Variants in ROCK1 observed in about 807,000 individuals in gnomAD.
The protein encoded by ROCK1 is rho-associated protein kinase 1.
ROCK1 carries 36 observed loss-of-function variants against 196.8 expected under a neutral mutation model. The observed-to-expected ratio is 0.18, with a 90% CI of 0.14 to 0.24. The LOEUF (loss-of-function observed/expected upper bound fraction) is 0.24. Among genes scored for constraint, ROCK1 ranks in the 10% least tolerant of loss-of-function variants. The pLI, the probability that ROCK1 is intolerant of heterozygous loss-of-function variation, is 1.00. For missense variants in ROCK1, 920 were observed against 1,562.0 expected, an observed-to-expected ratio of 0.59 and a Z score of 6.93; for synonymous variants, 443 against 515.9, an observed-to-expected ratio of 0.86 and a Z score of 1.91.
intron 14 of ROCK1, among the ~76,000 whole-genome samples, chr18:21,007,050 C>G (rs2035774640): frequency 6.6e-6 from 1 of 152,066 alleles, no homozygotes; most frequent in Non-Finnish European, 1.5e-5. Flanking sequence ...TTTATAAGAT[C>G]ACTGATAGTA....
At chr18:20,993,346 G>C (rs983022373) in intron 16 of ROCK1, among the ~76,000 whole-genome samples, 2 of 152,202 alleles carry the variant, frequency 1.3e-5, no homozygotes, top group African/African-American at 4.8e-5. Flanking sequence ...GGGACTACAG[G>C]CGCCTGCCAC....
intron 1 of ROCK1, among the ~76,000 whole-genome samples, chr18:21,100,892 G>C (rs2036653875): frequency 1.3e-5 from 2 of 152,232 alleles, no homozygotes; most frequent in South Asian, 4.1e-4. Flanking sequence ...TGCTGGCCTT[G>C]AGGCGATCGC....
intron 16 of ROCK1, among the ~76,000 whole-genome samples, chr18:20,998,434 A>T (rs1475956634): frequency 1.3e-5 from 2 of 152,074 alleles, no homozygotes; most frequent in East Asian, 1.9e-4. Flanking sequence ...AGAAGAAAAT[A>T]AATAATAAAG....
chr18:20,984,469 T>C lies in ROCK1; in HGVS notation c.2371A>G (p.Lys791Glu). ...NKRLLLQNEL[K>E]TQAFEADNLK... ...TTGTCTGCCTCAAATGCTTGAGTCT[T>C]CAATTCATTTTGTAACAACAGCCGC... The change falls in exon 20 of 33, where the codon AAG (lysine) becomes GAG (glutamate). Residue 791 changes from lysine (K) to glutamate (E), a missense_variant. Lys to Glu is a moderately conservative substitution (Grantham distance 56, BLOSUM62 1). Coordinates refer to ENST00000399799, the MANE Select transcript of ROCK1 (RefSeq NM_005406.3). The C allele has an allele frequency of 6.2e-7, 1 of 1,613,528 alleles. No individual in the cohort carries two copies. The highest frequency in any genetic ancestry group is 1.1e-5 in the South Asian group (1 of 91,056).
At chr18:20,980,177 T>C (rs2035517556) in intron 21 of ROCK1, among the ~76,000 whole-genome samples, 173 bp from the exon 22 acceptor site, 1 of 152,126 alleles carries the variant, frequency 6.6e-6, no homozygotes, top group Non-Finnish European at 1.5e-5. Flanking sequence ...GAATTTCCCT[T>C]ATGGTTTTAT....
intron 4 of ROCK1, 40 bp downstream of exon 4, chr18:21,049,052 A>C: frequency 6.7e-7 from 1 of 1,484,592 alleles, no homozygotes; most frequent in Non-Finnish European, 9.0e-7. Flanking sequence ...GTTTAGTTAC[A>C]AACTAATGCA....
intron 13 of ROCK1, among the ~76,000 whole-genome samples, chr18:21,010,973 TTGG>T (rs2035811790): frequency 6.6e-6 from 1 of 152,248 alleles, no homozygotes; most frequent in African/African-American, 2.4e-5. Flanking sequence ...TCTACTTTAA[TTGG>T]TATTAACATT....
chr18:21,045,233 A>G (rs1394530033), intron 5 of ROCK1, 59 bp downstream of exon 5: 8 of 1,418,880 alleles, frequency 5.6e-6, no homozygotes, highest in African/African-American at 1.5e-5. Context: ...GAAATGTTAA[A>G]GTTATTTTTA....
chr18:21,053,166 T>C (rs924514961), intron 2 of ROCK1, among the ~76,000 whole-genome samples: 3 of 152,196 alleles, frequency 2.0e-5, no homozygotes, highest in Non-Finnish European at 4.4e-5. Context: ...TAGGCAAGTT[T>C]TTCTCTCTGT....
intron 10 of ROCK1, among the ~76,000 whole-genome samples, chr18:21,026,542 T>C (rs1598533424): frequency 6.6e-6 from 1 of 151,564 alleles, no homozygotes; most frequent in East Asian, 1.9e-4. Context: ...TATAATATTA[T>C]ACTCACAGAG....
chr18:21,009,373 T>C (rs189778448), intron 13 of ROCK1, among the ~76,000 whole-genome samples: 29 of 152,052 alleles, frequency 1.9e-4, no homozygotes, highest in Admixed American at 1.9e-3. Flanking sequence ...CTCTGTATTG[T>C]ATGTATCTAC....
chr18:21,049,900 T>A lies in ROCK1; in HGVS notation c.176-20A>T. ...CTTTATCTGTATGAAAAGAAAAGTT[T>A]ATCATTTTAAATCACTAAAGCATTA... is the stretch of plus-strand genomic sequence containing the variant. On this transcript the variant is annotated intron_variant, in intron 2 of 32. Transcript: ENST00000399799. The A allele has an allele frequency of 7.0e-7, 1 of 1,426,378 alleles. No individual in the cohort carries two copies. Among genetic ancestry groups the A allele is most frequent in the East Asian group, 2.4e-5 (1 of 42,272 alleles). The allele number at this position is 1,426,378 out of a possible 1,614,324, so 88.4% of individuals were successfully genotyped here.
chr18:21,070,334 T>C (rs1329977154), intron 2 of ROCK1, among the ~76,000 whole-genome samples, 198 bp downstream of exon 2: 3 of 152,288 alleles, frequency 2.0e-5, no homozygotes, highest in African/African-American at 2.4e-5. Flanking sequence ...CTATTTTTCA[T>C]CCCTTTCTCT....
chr18:21,061,216 T>TTA (rs2036287337), intron 2 of ROCK1, among the ~76,000 whole-genome samples: 1 of 151,900 alleles, frequency 6.6e-6, no homozygotes, highest in South Asian at 2.1e-4. Context: ...GTAGCTGGAA[T>TTA]TATAGGCACC....
intron 26 of ROCK1, 65 bp downstream of exon 26, chr18:20,967,687 T>C (rs2035387004): frequency 1.7e-6 from 2 of 1,191,834 alleles, no homozygotes; most frequent in African/African-American, 3.1e-5. Context: ...ATAACAAGTA[T>C]ATACAGAAAT....
chr18:21,008,823 T>C (rs1468809242), intron 13 of ROCK1, among the ~76,000 whole-genome samples: 2 of 152,224 alleles, frequency 1.3e-5, no homozygotes, highest in Admixed American at 6.5e-5. Flanking sequence ...GTTGCAAAGA[T>C]AGTACAGAGA....
At chr18:20,980,132 A>ATATTTGCATTTGTC in intron 21 of ROCK1, 128 bp from the exon 22 acceptor site, 1 of 1,151,626 alleles carries the variant, frequency 8.7e-7, no homozygotes, top group Non-Finnish European at 1.1e-6. Context: ...ACCCATGACA[A>ATATTTGCATTTGTC]ATGCAAATAT....
intron 2 of ROCK1, among the ~76,000 whole-genome samples, chr18:21,062,128 C>G (rs1208974268): frequency 1.3e-5 from 2 of 152,118 alleles, no homozygotes; most frequent in East Asian, 3.9e-4. Flanking sequence ...TAGCAATAAG[C>G]ACACCTAGCA....
At position 21,018,300 on chromosome 18, in the gene ROCK1, T is replaced by C. The variant is rs557322679; in HGVS notation, c.1361+1851A>G. Among the ~76,000 whole-genome samples the C allele has an allele frequency of 2.8e-4, 43 of 151,962 alleles. 1 individual carries two copies. In the East Asian group the frequency reaches 8.4e-3, roughly 30 times the overall value. ...ATCCCAACACTTCGGGAGGCTGAGGTGGGTGGATCACCTGAGGTCAGGAGC... is the reference window on the plus strand; with the variant it reads ...ATCCCAACACTTCGGGAGGCTGAGGCGGGTGGATCACCTGAGGTCAGGAGC... On this transcript the variant is annotated intron_variant, in intron 12 of 32. Transcript: ENST00000399799.
Sources: gnomAD v4.1 joint callset for allele counts (sites outside exome capture counted in the v4.1 genomes callset) on GRCh38, gnomAD v4.1.1 for gene constraint, MANE v1.5 for transcripts, NCBI Gene and HGNC (gene_info 2026-07-23, HGNC 2026-07-21) for gene names.